Variants in KIAA1549L observed in about 807,000 individuals in gnomAD.
The protein encoded by KIAA1549L is UPF0606 protein KIAA1549L.
Under a neutral mutation model 160.7 loss-of-function variants are expected in KIAA1549L, and 88 were observed. The ratio of observed to expected loss-of-function variants is 0.55; its 90% CI spans 0.46 to 0.65. The LOEUF (loss-of-function observed/expected upper bound fraction) is 0.65. Ranked by LOEUF, KIAA1549L falls within the 30% of genes least tolerant of loss-of-function variation. The pLI is 0.00. For synonymous variants in KIAA1549L, 950 were observed against 976.7 expected (o/e 0.97, Z 0.51); for missense variants, 2,258 against 2,437.5 (o/e 0.93, Z 1.55).
At chr11:33,648,192 C>T (rs1015571699) in intron 17 of KIAA1549L, among the ~76,000 whole-genome samples, 7 of 152,116 alleles carry the variant, frequency 4.6e-5, no homozygotes, top group African/African-American at 1.7e-4. Context: ...GAGGGGGTTT[C>T]ACCACGTTGG....
intron 6 of KIAA1549L, among the ~76,000 whole-genome samples, chr11:33,558,417 T>C (rs933402401): frequency 9.2e-5 from 14 of 152,136 alleles, no homozygotes; most frequent in Non-Finnish European, 8.8e-5. Context: ...ATCAATACTT[T>C]GACCTCACCC....
At chr11:33,390,613 A>T (rs1223092823) in intron 1 of KIAA1549L, among the ~76,000 whole-genome samples, 1 of 152,202 alleles carries the variant, frequency 6.6e-6, no homozygotes, top group Non-Finnish European at 1.5e-5. Flanking sequence ...CACATGGTAT[A>T]AAAATGCCTT....
chr11:33,654,388 T>C (rs546487091), intron 17 of KIAA1549L, among the ~76,000 whole-genome samples: 13 of 152,252 alleles, frequency 8.5e-5, no homozygotes, highest in Non-Finnish European at 1.9e-4. Context: ...CTACTCTTTT[T>C]AACTTCACTT....
At chr11:33,432,534 T>C (rs1391753727) in intron 1 of KIAA1549L, among the ~76,000 whole-genome samples, 3 of 152,232 alleles carry the variant, frequency 2.0e-5, no homozygotes, top group African/African-American at 7.2e-5. Flanking sequence ...TTGTCCTCTG[T>C]AAAGCTGCTG....
At chr11:33,571,467 G>A (rs975111626) in intron 9 of KIAA1549L, among the ~76,000 whole-genome samples, 1 of 152,314 alleles carries the variant, frequency 6.6e-6, no homozygotes, top group South Asian at 2.1e-4. Context: ...AAGAAAAGAG[G>A]TTTAACTGGC....
intron 1 of KIAA1549L, among the ~76,000 whole-genome samples, chr11:33,432,112 C>G (rs559708434): frequency 6.6e-6 from 1 of 152,204 alleles, no homozygotes; most frequent in Non-Finnish European, 1.5e-5. Flanking sequence ...TCCCGGTTCC[C>G]GCTCGCACCT....
chr11:33,454,471 T>A (rs1851781571), intron 1 of KIAA1549L, among the ~76,000 whole-genome samples: 1 of 152,078 alleles, frequency 6.6e-6, no homozygotes, highest in Non-Finnish European at 1.5e-5. Context: ...GTGCCTGGGG[T>A]AGGTCTAAAT....
rs1325801627 is a variant in KIAA1549L, at chr11:33,376,708, GGGGCGCGGGGGCCGGCCCGTGGCGCGT to G, written c.62_88del (p.Arg21_Gly29del). ...CAAGGGAAGCTGGGCCCGCGACGCGGGGGCGCGGGGGCCGGCCCGTGGCGCGTGGGCTTGGTCGGGCTGCCTGGGGAG... is the reference window on the plus strand; with the variant it reads ...CAAGGGAAGCTGGGCCCGCGACGCGGGGGCTTGGTCGGGCTGCCTGGGGAG... On this transcript the variant is annotated inframe_deletion, in exon 1 of 21. Transcript: ENST00000658780. The surrounding 1 kb of genome is among the most constrained non-coding windows in gnomAD (Gnocchi z 5.8). The G allele has an allele frequency of 1.3e-5, 2 of 151,024 alleles. No individual in the cohort carries two copies. The highest frequency in any genetic ancestry group is 4.8e-5 in the African/African-American group (2 of 41,314). 9.4% of individuals were successfully genotyped at this position (151,024 alleles called of 1,614,324 possible). A position where few individuals can be genotyped will look rare whatever the true frequency, so the allele number is the denominator to read the frequency against.
intron 11 of KIAA1549L, among the ~76,000 whole-genome samples, chr11:33,588,468 A>G (rs1034691486): frequency 5.3e-5 from 8 of 152,156 alleles, no homozygotes; most frequent in Non-Finnish European, 8.8e-5. Flanking sequence ...TTTAAGGGAG[A>G]TAATTTTGGA....
chr11:33,617,298 C>T (rs186341433), intron 15 of KIAA1549L, among the ~76,000 whole-genome samples: 1 of 152,300 alleles, frequency 6.6e-6, no homozygotes, highest in African/African-American at 2.4e-5. Flanking sequence ...AAGCCTCACC[C>T]CCACTTGTAA....
At chr11:33,516,331 T>G (rs1339689547) in intron 1 of KIAA1549L, among the ~76,000 whole-genome samples, 1 of 56,322 alleles carries the variant, frequency 1.8e-5, no homozygotes, top group African/African-American at 1.4e-4. Flanking sequence ...TTTTGTATTT[T>G]TAGTAGAGAC....
At chr11:33,438,647 C>A (rs1218241270) in intron 1 of KIAA1549L, among the ~76,000 whole-genome samples, 1 of 152,200 alleles carries the variant, frequency 6.6e-6, no homozygotes, top group Non-Finnish European at 1.5e-5. Flanking sequence ...GAACCTGTGA[C>A]GTCAATTATT....
rs146116349 is a variant in KIAA1549L at position 33,535,953 on chromosome 11, T to C, written c.239-5849T>C. Among the ~76,000 whole-genome samples the C allele has an allele frequency of 1.6e-4, 25 of 152,384 alleles. No individual in the cohort carries two copies. The East Asian group carries it at 3.9e-3, about 24-fold the overall frequency. The stretch of plus-strand genomic sequence containing the variant: ...CCTCAAAATTTGTGTTTCTGTCTTA[T>C]GGCCTTCCATAATGCAACTTTAATT... On this transcript the variant is annotated intron_variant, in intron 1 of 20. Transcript: ENST00000658780.
chr11:33,521,547 A>G (rs1388384681), intron 1 of KIAA1549L, among the ~76,000 whole-genome samples: 1 of 152,206 alleles, frequency 6.6e-6, no homozygotes, highest in Non-Finnish European at 1.5e-5. Context: ...TGTGGCAGGT[A>G]CTCAGCAGGC....
intron 1 of KIAA1549L, among the ~76,000 whole-genome samples, chr11:33,493,515 T>C (rs1345736843): frequency 6.6e-6 from 1 of 152,140 alleles, no homozygotes; most frequent in Admixed American, 6.5e-5. Flanking sequence ...TCTCCCTGAG[T>C]CCCGGTCTGT....
At chr11:33,452,111 A>G (rs921442231) in intron 1 of KIAA1549L, among the ~76,000 whole-genome samples, 1 of 152,130 alleles carries the variant, frequency 6.6e-6, no homozygotes, top group African/African-American at 2.4e-5. Flanking sequence ...AAAAGAATTA[A>G]ACAACCCCCT....
chr11:33,586,423 T>C (rs144142496), intron 11 of KIAA1549L, among the ~76,000 whole-genome samples: 1 of 149,394 alleles, frequency 6.7e-6, no homozygotes, highest in Non-Finnish European at 1.5e-5. Flanking sequence ...GCAGGTAGAA[T>C]GGTGAAAAAT....
intron 10 of KIAA1549L, among the ~76,000 whole-genome samples, chr11:33,577,323 G>A (rs940287803): frequency 6.6e-6 from 1 of 152,200 alleles, no homozygotes; most frequent in African/African-American, 2.4e-5. Flanking sequence ...AGTTGCTGGA[G>A]GGGCTGTATG....
chr11:33,627,458 A>C (rs566436039), intron 16 of KIAA1549L, among the ~76,000 whole-genome samples: 2 of 152,110 alleles, frequency 1.3e-5, no homozygotes, highest in African/African-American at 4.8e-5. Flanking sequence ...CTATTCAGAG[A>C]TTCAACTTCT....
Sources: allele counts gnomAD v4.1 joint callset (sites outside exome capture counted in the v4.1 genomes callset), GRCh38; gene constraint gnomAD v4.1.1; non-coding constraint Gnocchi (gnomAD v3.1); transcripts MANE v1.5; gene names NCBI Gene and HGNC (gene_info 2026-07-23, HGNC 2026-07-21).